The following TRIM17 variants were observed in gnomAD, a reference collection of about 807,000 sequenced individuals.
TRIM17 encodes the protein tripartite motif containing 17, also known as E3 ubiquitin-protein ligase TRIM17.
In TRIM17, 27 loss-of-function variants were observed where a neutral mutation model predicts 35.8. That is an observed-to-expected ratio of 0.75 (90% CI 0.56 to 1.04). The LOEUF is 1.04. Ranked by LOEUF, TRIM17 falls within the 50% of genes least tolerant of loss-of-function variation. TRIM17 has a pLI of 0.00. For missense variants in TRIM17, 582 were observed against 612.8 expected, an observed-to-expected ratio of 0.95 and a Z score of 0.53; for synonymous variants, 246 against 252.6, an observed-to-expected ratio of 0.97 and a Z score of 0.25.
rs1195141676 is a variant in TRIM17 at position 228,415,062 on chromosome 1, A to T, written c.11T>A (p.Val4Glu). MEA[V>E]ELARKLQEEA... ...CTCCTGCAGTTTTCTGGCGAGTTCC[A>T]CAGCCTCCATGGCTCCTGGGAGACA... Residue 4 changes from valine (V) to glutamate (E), a missense_variant, in exon 2 of 7, where the codon GTG (valine) becomes GAG (glutamate). By Grantham distance (121) the Val-to-Glu change is moderately radical. Transcript: ENST00000366698. The T allele has an allele frequency of 3.7e-6, 6 of 1,602,772 alleles. No individual in the cohort carries two copies. In the Admixed American group the frequency reaches 1.0e-4, roughly 27 times the overall value.
intron 1 of TRIM17, 54 bp from the exon 2 acceptor site, chr1:228,415,167 C>A (rs993022279): frequency 4.5e-5 from 62 of 1,388,478 alleles, no homozygotes; most frequent in Non-Finnish European, 5.7e-5. Flanking sequence ...CAGTGTGCAA[C>A]CGTCCTGTAC....
At chr1:228,412,999 T>C (rs1367891144) in intron 3 of TRIM17, among the ~76,000 whole-genome samples, 2 of 151,922 alleles carry the variant, frequency 1.3e-5, no homozygotes, top group Admixed American at 6.6e-5. Flanking sequence ...TCACCTGAGG[T>C]CAGGAGTTCA....
chr1:228,413,043 T>C (rs532492711), intron 3 of TRIM17, among the ~76,000 whole-genome samples: 1 of 152,102 alleles, frequency 6.6e-6, no homozygotes, highest in Non-Finnish European at 1.5e-5. Flanking sequence ...AAACCCCATC[T>C]CTACTAAAAG....
In TRIM17 at chr1:228,416,668, G is replaced by A; in HGVS notation, c.-171C>T. 1.0e-6 allele frequency: 1 copy of A among 984,924 alleles called. No homozygotes were observed. The highest frequency in any genetic ancestry group is 1.2e-6 in the Non-Finnish European group (1 of 829,664). 61.0% of individuals were successfully genotyped at this position (984,924 alleles called of 1,614,324 possible). ...CCCGGGGCGTGGGGACCTGGGGTCG[G>A]GAGGCCTAGGGACTTTGTGGCGTCA... On this transcript the variant is annotated 5_prime_UTR_variant, in exon 1 of 7. Coordinates refer to ENST00000366698, the MANE Select transcript of TRIM17 (RefSeq NM_016102.4).
intron 4 of TRIM17, 128 bp from the exon 5 acceptor site, chr1:228,409,539 A>T (rs1298896170): frequency 1.1e-6 from 1 of 906,386 alleles, no homozygotes; most frequent in Non-Finnish European, 1.6e-6. Flanking sequence ...CCTTCCCACA[A>T]TTGAGCTTCA....
chr1:228,416,858 G>C lies in TRIM17; in HGVS notation c.-361C>G. 2.0e-6 allele frequency: 2 copies of C among 985,062 alleles called. No individual in the cohort carries two copies. The highest frequency in any genetic ancestry group is 1.8e-5 in the African/African-American group (1 of 57,068). 61.0% of individuals were successfully genotyped at this position (985,062 alleles called of 1,614,324 possible). Reference sequence around the variant, plus strand: ...GCCGGGGACAGGCGCAGCGGGTGCTGACTGGGCGGTGGGGAGGATGTGGTC... The same window carrying C: ...GCCGGGGACAGGCGCAGCGGGTGCTCACTGGGCGGTGGGGAGGATGTGGTC... On this transcript the variant is annotated 5_prime_UTR_variant, in exon 1 of 7. Coordinates refer to ENST00000366698, the MANE Select transcript of TRIM17 (RefSeq NM_016102.4).
At chr1:228,413,927 G>A (rs1157419459) in intron 2 of TRIM17, 35 bp from the exon 3 acceptor site, 1 of 1,556,044 alleles carries the variant, frequency 6.4e-7, no homozygotes, top group East Asian at 2.2e-5. Context: ...TTTGGGATCA[G>A]CGATCCCCCT....
chr1:228,408,451 T>G lies in TRIM17; in HGVS notation c.1184A>C (p.Lys395Thr). The change falls in exon 7 of 7, where the codon AAG (lysine) becomes ACG (threonine). Residue 395 changes from lysine to threonine, a missense_variant. Coordinates refer to ENST00000366698, the MANE Select transcript of TRIM17 (RefSeq NM_016102.4). The surrounding 1 kb of genome is among the most constrained non-coding windows in gnomAD (Gnocchi z 6.3). ...GAAGGTGGATAAGTACTTGGTCCCC[T>G]TGGACAGCTGCACCACCCAGAAGCC... Reference protein sequence around the residue: ...ENGFWVVQLSKGTKYLSTFSA... With the variant: ...ENGFWVVQLSTGTKYLSTFSA... The G allele has an allele frequency of 1.2e-6, 2 of 1,614,186 alleles. No individual in the cohort carries two copies. Among genetic ancestry groups the G allele is most frequent in the Non-Finnish European group, 1.7e-6 (2 of 1,180,022 alleles).
Position 228,416,678 on chromosome 1 carries a change from G to A in TRIM17, c.-181C>T. On this transcript the variant is annotated 5_prime_UTR_variant, in exon 1 of 7. Transcript: ENST00000366698. The stretch of plus-strand genomic sequence containing the variant: ...GGGGACCTGGGGTCGGGAGGCCTAG[G>A]GACTTTGTGGCGTCAGCGGGGGCTG... The A allele has an allele frequency of 1.0e-6, 1 of 984,456 alleles. No homozygotes were observed. The highest frequency in any genetic ancestry group is 1.2e-6 in the Non-Finnish European group (1 of 829,524). 61.0% of individuals were successfully genotyped at this position (984,456 alleles called of 1,614,324 possible).
chr1:228,410,976 C>T lies in TRIM17; in HGVS notation c.726G>A (p.Arg242=). The change falls in exon 4 of 7, where the codon CGG becomes CGA. Residue 242 remains arginine (R), a synonymous_variant. Coordinates refer to ENST00000366698, the MANE Select transcript of TRIM17 (RefSeq NM_016102.4). This position sits in a 1 kb window ranked among gnomAD's most constrained non-coding sequence, Gnocchi z 4.6. ...GCATCTGGAGGGGCCCCTGTGTGCT[C>T]CGCTCCTCCAGCTGCAGCAGCAGCA... ...LELLLLQLEE[R]STQGPLQMLQ... 1.3e-6 allele frequency: 2 copies of T among 1,598,448 alleles called. No homozygotes were observed. The highest frequency in any genetic ancestry group is 1.7e-6 in the Non-Finnish European group (2 of 1,173,032).
chr1:228,415,101 C>A lies in TRIM17; in HGVS notation c.-29G>T, dbSNP rs562021682. On this transcript the variant is annotated 5_prime_UTR_variant, in exon 2 of 7. Transcript: ENST00000366698. ...TCCTGGGAGACACGAGGCAGGTTCC[C>A]GCTTGAGGGACTCTGGAGAGAGTTG... 13 of 1,578,540 alleles carry A rather than the reference C, an allele frequency of 8.2e-6. No homozygotes were observed. In the African/African-American group the frequency reaches 1.6e-4, roughly 20 times the overall value.
Position 228,413,812 on chromosome 1 carries a change from G to T in TRIM17, c.510C>A (p.Ser170Arg). 2 of 1,614,130 alleles carry T rather than the reference G, an allele frequency of 1.2e-6. No individual in the cohort carries two copies. Among genetic ancestry groups the T allele is most frequent in the South Asian group, 1.1e-5 (1 of 91,090 alleles). ...TGNLQAREEQ[S>R]LAEWQGKVKE... ...GGGCACCCACCTGCCACTCGGCTAAGCTCTGCTCCTCCCTGGCCTGCAGAT... is the reference window on the plus strand; with the variant it reads ...GGGCACCCACCTGCCACTCGGCTAATCTCTGCTCCTCCCTGGCCTGCAGAT... Residue 170 changes from serine (S) to arginine (R), a missense_variant, in exon 3 of 7, where the codon AGC (serine) becomes AGA (arginine). Ser to Arg is a moderately radical substitution (Grantham distance 110, BLOSUM62 -1). Coordinates refer to ENST00000366698, the MANE Select transcript of TRIM17 (RefSeq NM_016102.4).
At chr1:228,412,823 T>G (rs1656858669) in intron 3 of TRIM17, among the ~76,000 whole-genome samples, 1 of 152,016 alleles carries the variant, frequency 6.6e-6, no homozygotes, top group African/African-American at 2.4e-5. Context: ...AATTTTGTGT[T>G]TTGACAGGCA....
intron 3 of TRIM17, 74 bp downstream of exon 3, chr1:228,413,723 G>T: frequency 7.8e-7 from 1 of 1,277,168 alleles, no homozygotes; most frequent in Non-Finnish European, 1.1e-6. Flanking sequence ...TATCCCCACG[G>T]GCAGACACAG....
rs759400359 is a variant in TRIM17 at position 228,408,692 on chromosome 1, G to C, written c.943C>G (p.Gln315Glu). 1.2e-6 allele frequency: 2 copies of C among 1,609,026 alleles called. No homozygotes were observed. Among genetic ancestry groups the C allele is most frequent in the South Asian group, 2.2e-5 (2 of 91,088 alleles). The change falls in exon 7 of 7, where the codon CAG becomes GAG. Residue 315 changes from glutamine (Q) to glutamate (E), a missense_variant. Coordinates refer to ENST00000366698, the MANE Select transcript of TRIM17 (RefSeq NM_016102.4). This position sits in a 1 kb window ranked among gnomAD's most constrained non-coding sequence, Gnocchi z 6.3. ...YPYLLLYESR[Q>E]RRYLGSSPEG... is the part of the protein sequence containing the mutation. ...GGCGAAGAGCCGAGGTAGCGCCTCT[G>C]GCGGCTCTCATACAGGAGGAGGTAG...
At chr1:228,414,476 A>G (rs934470396) in intron 2 of TRIM17, among the ~76,000 whole-genome samples, 168 bp downstream of exon 2, 1 of 151,940 alleles carries the variant, frequency 6.6e-6, no homozygotes, top group Non-Finnish European at 1.5e-5. Context: ...CCCCAGGGAC[A>G]CCCCTACCCA....
At chr1:228,414,112 C>T (rs568521012) in intron 2 of TRIM17, among the ~76,000 whole-genome samples, 1 of 152,346 alleles carries the variant, frequency 6.6e-6, no homozygotes, top group South Asian at 2.1e-4. Flanking sequence ...CTCGGCCTTC[C>T]TAAGAGCAGA....
rs140459851 is a variant in TRIM17, at chr1:228,409,396, G to A, written c.772C>T (p.Leu258=). 2.8e-5 allele frequency: 43 copies of A among 1,559,368 alleles called. No individual in the cohort carries two copies. In the African/African-American group the frequency reaches 5.8e-4, roughly 21 times the overall value. ...CCTGAGGGGACCACATACCTGCTCA[G>A]GGGTTCCTTCATGTCCTGCAAAAGA... ...LQMLQDMKEP[L]SRKNNVSVQC... is the part of the protein sequence containing the mutation. The change falls in exon 5 of 7, where the codon CTG becomes TTG. Residue 258 remains leucine, a synonymous_variant. Coordinates refer to ENST00000366698, the MANE Select transcript of TRIM17 (RefSeq NM_016102.4).
Position 228,409,565 on chromosome 1 carries a change from T to G in TRIM17, c.757-154A>C, listed in dbSNP as rs572954140. ...TTGAGCTTCATGGCACTCCTGAGCC[T>G]TCCCCACTGCCCTAGCTCCCACTAC... is the stretch of plus-strand genomic sequence containing the variant. On this transcript the variant is annotated intron_variant, in intron 4 of 6. Coordinates refer to ENST00000366698, the MANE Select transcript of TRIM17 (RefSeq NM_016102.4). 35 of 686,156 alleles carry G rather than the reference T, an allele frequency of 5.1e-5. No individual in the cohort carries two copies. In the African/African-American group the frequency reaches 5.6e-4, roughly 11 times the overall value. The allele number at this position is 686,156 out of a possible 1,614,324, so 42.5% of individuals were successfully genotyped here.
Sources: allele counts gnomAD v4.1 joint callset (sites outside exome capture counted in the v4.1 genomes callset), GRCh38; gene constraint gnomAD v4.1.1; non-coding constraint Gnocchi (gnomAD v3.1); transcripts MANE v1.5; gene names NCBI Gene and HGNC (gene_info 2026-07-23, HGNC 2026-07-21).